C7: variants seen among roughly 807,000 people sequenced by gnomAD.
C7 encodes complement C7.
Under a neutral mutation model 104.8 loss-of-function variants are expected in C7, and 83 were observed. That is an observed-to-expected ratio of 0.79 (90% CI 0.66 to 0.95). C7 has a LOEUF of 0.95. Ranked by LOEUF, C7 falls within the 40% of genes least tolerant of loss-of-function variation. The pLI, the probability that C7 is intolerant of heterozygous loss-of-function variation, is 0.00. For missense variants in C7, 1,070 were observed against 1,011.2 expected, an observed-to-expected ratio of 1.06 and a Z score of -0.79; for synonymous variants, 415 against 360.6, an observed-to-expected ratio of 1.15 and a Z score of -1.71.
In C7 at chr5:40,958,253, A is replaced by G; in HGVS notation, c.1481A>G (p.Asn494Ser). 6.2e-7 allele frequency: 1 copy of G among 1,600,594 alleles called. No homozygotes were observed. The highest frequency in any genetic ancestry group is 1.1e-5 in the South Asian group (1 of 88,508). ...AACEQGVLVG[N>S]QAGGVDGGWS... ...TGTGAGCAAGGAGTCCTCGTAGGGA[A>G]TCAAGCAGGTCAGTGGGGTGAATTT... Residue 494 changes from asparagine to serine, a missense_variant, in exon 11 of 18, where the codon AAT becomes AGT. Transcript: ENST00000313164.
chr5:40,953,639 CAAAAAAA>C (rs397961480), intron 9 of C7, among the ~76,000 whole-genome samples: 1 of 104,140 alleles, frequency 9.6e-6, no homozygotes. Flanking sequence ...GACTCTGTCT[CAAAAAAA>C]AAAAAAAAAA....
chr5:40,958,076 C>T lies in C7; in HGVS notation c.1304C>T (p.Ser435Phe), dbSNP rs762629435. The T allele has an allele frequency of 6.8e-6, 11 of 1,613,578 alleles. No homozygotes were observed. Among genetic ancestry groups the T allele is most frequent in the Non-Finnish European group, 8.5e-6 (10 of 1,179,734 alleles). ...CTGGTAAAGGAAGTACCTTGTGCCT[C>T]TGTGAAAAAACTATACCTGAAATGG... ...YELVKEVPCA[S>F]VKKLYLKWAL... Residue 435 changes from serine (S) to phenylalanine (F), a missense_variant, in exon 11 of 18, where the codon TCT (serine) becomes TTT (phenylalanine). Coordinates refer to ENST00000313164, the MANE Select transcript of C7 (RefSeq NM_000587.4).
At chr5:40,964,020 CTTTTTTTTTTT>C (rs869250524) in intron 13 of C7, among the ~76,000 whole-genome samples, 12 of 39,886 alleles carry the variant, frequency 3.0e-4, no homozygotes, top group East Asian at 2.2e-3. Flanking sequence ...GCTCATAATA[CTTTTTTTTTTT>C]TTTTTTTTTT....
rs1740965976 is a variant in C7 at position 40,982,268 on chromosome 5, C to G, written c.*695C>G. On this transcript the variant is annotated 3_prime_UTR_variant, in exon 18 of 18. Coordinates refer to ENST00000313164, the MANE Select transcript of C7 (RefSeq NM_000587.4). The stretch of plus-strand genomic sequence containing the variant: ...AAGCGATTCTTGTGCCTCAGCTTCC[C>G]AAGCAGCTGGGATTACAGGTGCCCG... 1 of 152,194 alleles carries G rather than the reference C, an allele frequency of 6.6e-6. No individual in the cohort carries two copies. 9.4% of individuals were successfully genotyped at this position (152,194 alleles called of 1,614,324 possible).
chr5:40,909,560 C>A lies in C7; in HGVS notation c.-51C>A. 6.6e-7 allele frequency: 1 copy of A among 1,526,320 alleles called. No individual in the cohort carries two copies. The highest frequency in any genetic ancestry group is 9.0e-7 in the Non-Finnish European group (1 of 1,116,816). The allele number at this position is 1,526,320 out of a possible 1,614,324, so 94.5% of individuals were successfully genotyped here. ...CCTGCTGTTGAAAACTTACCCGGCC[C>A]TTACAGAGGAAATCTTCCTCCTCTC... is the stretch of plus-strand genomic sequence containing the variant. On this transcript the variant is annotated 5_prime_UTR_variant, in exon 1 of 18. Transcript: ENST00000313164.
At chr5:40,940,904 G>A (rs1739921131) in intron 6 of C7, among the ~76,000 whole-genome samples, 1 of 152,082 alleles carries the variant, frequency 6.6e-6, no homozygotes, top group Admixed American at 6.6e-5. Context: ...CCCCCTCAGA[G>A]CAGACACTAT....
chr5:40,955,698 G>C, intron 10 of C7, 145 bp downstream of exon 10: 1 of 628,620 alleles, frequency 1.6e-6, no homozygotes, highest in Non-Finnish European at 2.6e-6. Context: ...AGAGTAAAAT[G>C]AATGCACACA....
At chr5:40,971,175 T>C (rs1049260259) in intron 14 of C7, among the ~76,000 whole-genome samples, 5 of 152,180 alleles carry the variant, frequency 3.3e-5, no homozygotes, top group Admixed American at 2.0e-4. Context: ...TCTTCCACAA[T>C]GATTGAACTA....
Position 40,974,473 on chromosome 5 carries a change from C to T in C7, c.2074+1879C>T, listed in dbSNP as rs540556463. Among the ~76,000 whole-genome samples the T allele has an allele frequency of 6.1e-4, 91 of 150,266 alleles. 1 individual carries two copies. Among genetic ancestry groups the T allele is most frequent in the African/African-American group, 2.1e-3 (87 of 40,738 alleles). ...TTCTGTCACCCAGGCTGGAGTGCAG[C>T]GGCACAATCTCAGCTCACTGCAAGT... is the stretch of plus-strand genomic sequence containing the variant. On this transcript the variant is annotated intron_variant, in intron 15 of 17. Coordinates refer to ENST00000313164, the MANE Select transcript of C7 (RefSeq NM_000587.4).
rs35360366 is a variant in C7 at position 40,954,877 on chromosome 5, C to CAAAAA, written c.1094-486_1094-482dup. On this transcript the variant is annotated intron_variant, in intron 9 of 17. Coordinates refer to ENST00000313164, the MANE Select transcript of C7 (RefSeq NM_000587.4). ...GGGCTACAGAGTGAGAATACTGTCT[C>CAAAAA]AAAAAAAAAAAAAAAAAAAAAAAAA... 9.2e-4 allele frequency: 50 copies of CAAAAA among 54,622 alleles called. 1 individual carries two copies. The highest frequency in any genetic ancestry group is 2.3e-3 in the East Asian group (3 of 1,284). The allele number at this position is 54,622 out of a possible 1,614,324, so 3.4% of individuals were successfully genotyped here. A position where few individuals can be genotyped will look rare whatever the true frequency, so the allele number is the denominator to read the frequency against.
At position 40,981,600 on chromosome 5, in the gene C7, T is replaced by A; in HGVS notation, c.*27T>A. On this transcript the variant is annotated 3_prime_UTR_variant, in exon 18 of 18. Coordinates refer to ENST00000313164, the MANE Select transcript of C7 (RefSeq NM_000587.4). The stretch of plus-strand genomic sequence containing the variant: ...CTCCTGGAGGCCCTGGTCAGCTTGC[T>A]TGGAATCCAGCAGGCAGCTGGGGCT... 2 of 1,577,712 alleles carry A rather than the reference T, an allele frequency of 1.3e-6. No homozygotes were observed. Among genetic ancestry groups the A allele is most frequent in the Non-Finnish European group, 1.7e-6 (2 of 1,157,632 alleles).
intron 14 of C7, 124 bp from the exon 15 acceptor site, chr5:40,972,279 C>A (rs137859673): frequency 3.9e-6 from 3 of 760,942 alleles, no homozygotes; most frequent in Middle Eastern, 5.5e-4. Flanking sequence ...AGTGAACTTA[C>A]GTCTTCCTCC....
intron 10 of C7, among the ~76,000 whole-genome samples, chr5:40,957,566 C>T (rs937408556): frequency 2.6e-5 from 4 of 152,054 alleles, no homozygotes; most frequent in African/African-American, 7.2e-5. Context: ...AGTGATTCTC[C>T]TGCCTCAACA....
At chr5:40,910,615 G>A (rs191255192) in intron 1 of C7, among the ~76,000 whole-genome samples, 1 of 152,112 alleles carries the variant, frequency 6.6e-6, no homozygotes, top group East Asian at 1.9e-4. Flanking sequence ...GTCCTTTGCA[G>A]CAACATGGAG....
rs146839415 is a variant in C7, at chr5:40,941,454, G to A, written c.568-3744G>A. ...AGTTGTAAGAAATGAGGTTATGAGT[G>A]ATCGGGAAAGTAAATAAAAAAGACT... On this transcript the variant is annotated intron_variant, in intron 6 of 17. Coordinates refer to ENST00000313164, the MANE Select transcript of C7 (RefSeq NM_000587.4). Among the ~76,000 whole-genome samples the A allele has an allele frequency of 5.7e-3, 869 of 152,230 alleles. 2 individuals carry two copies. Among genetic ancestry groups the A allele is most frequent in the Non-Finnish European group, 9.4e-3 (636 of 68,010 alleles).
chr5:40,950,093 G>A (rs1740136424), intron 9 of C7, 79 bp downstream of exon 9: 3 of 778,432 alleles, frequency 3.9e-6, no homozygotes, highest in Non-Finnish European at 6.3e-6. Flanking sequence ...TACGCGTGAA[G>A]TTATGTAGGT....
chr5:40,930,447 C>T (rs1182675190), intron 2 of C7, among the ~76,000 whole-genome samples: 3 of 151,854 alleles, frequency 2.0e-5, no homozygotes. Flanking sequence ...CTCAAGTGAT[C>T]TGCACTCCTC....
In C7 at chr5:40,981,432, CGAG is replaced by C; in HGVS notation, c.2394_2396del (p.Glu800del). On this transcript the variant is annotated inframe_deletion, in exon 18 of 18. Coordinates refer to ENST00000313164, the MANE Select transcript of C7 (RefSeq NM_000587.4). ...GTGTCTGCCGAGAAGCATCGGAGTG[CGAG>C]GAAGAAGGGTTTAGCATTTGTGTGG... 6.2e-7 allele frequency: 1 copy of C among 1,613,206 alleles called. No individual in the cohort carries two copies.
chr5:40,958,301 T>C (rs759454938), intron 11 of C7, 40 bp downstream of exon 11: 21 of 1,256,000 alleles, frequency 1.7e-5, no homozygotes, highest in Non-Finnish European at 2.3e-5. Context: ...CTGTACACAT[T>C]GAAAGGGAAT....
Sources: allele counts gnomAD v4.1 joint callset (sites outside exome capture counted in the v4.1 genomes callset), GRCh38; gene constraint gnomAD v4.1.1; transcripts MANE v1.5; gene names NCBI Gene and HGNC (gene_info 2026-07-23, HGNC 2026-07-21).